Variants in HAT1 observed in about 807,000 individuals in gnomAD.
The protein encoded by HAT1 is histone acetyltransferase 1, also known as histone acetyltransferase type B catalytic subunit.
In HAT1, 20 loss-of-function variants were observed where a neutral mutation model predicts 56.6. The observed-to-expected ratio is 0.35, with a 90% CI of 0.25 to 0.51. The LOEUF (loss-of-function observed/expected upper bound fraction) is 0.51, where lower values mean the gene tolerates loss of function less well. Among genes scored for constraint, HAT1 ranks in the 20% least tolerant of loss-of-function variants. HAT1 has a pLI of 0.95. For synonymous variants in HAT1, 146 were observed against 165.5 expected, an observed-to-expected ratio of 0.88 and a Z score of 0.91; for missense variants, 408 against 504.3, an observed-to-expected ratio of 0.81 and a Z score of 1.83.
rs1158490024 is a variant in HAT1 at position 171,976,142 on chromosome 2, G to GCTTT, written c.824-14_824-11dup. 1 of 1,405,530 alleles carries GCTTT rather than the reference G, an allele frequency of 7.1e-7. No individual in the cohort carries two copies. Among genetic ancestry groups the GCTTT allele is most frequent in the Non-Finnish European group, 9.4e-7 (1 of 1,065,212 alleles). 87.1% of individuals were successfully genotyped at this position (1,405,530 alleles called of 1,614,324 possible). ...ATCAGGGAAATGTTAATATTATTCT[G>GCTTT]CTTTATTTATTTAGCGGAAGATCCA... On this transcript the variant is annotated splice_polypyrimidine_tract_variant and intron_variant, in intron 8 of 10. Coordinates refer to ENST00000264108, the MANE Select transcript of HAT1 (RefSeq NM_003642.4).
rs1354831949 is a variant in HAT1, at chr2:171,961,544, G to A, written c.310-3794G>A. ...GAGAGCAGATTTTAAAAATTTTATG[G>A]AGTGTTTAGCCTCTTTCTAGGAAAA... On this transcript the variant is annotated intron_variant, in intron 4 of 10. Transcript: ENST00000264108. Among the ~76,000 whole-genome samples the A allele has an allele frequency of 2.0e-5, 3 of 151,286 alleles. No homozygotes were observed. In the East Asian group the frequency reaches 5.8e-4, roughly 29 times the overall value.
At chr2:171,977,805 T>A (rs1688026899) in intron 9 of HAT1, among the ~76,000 whole-genome samples, 1 of 151,630 alleles carries the variant, frequency 6.6e-6, no homozygotes, top group African/African-American at 2.4e-5. Flanking sequence ...TCTCTTTACC[T>A]GAAATACTCC....
At chr2:171,959,738 G>A (rs1335391812) in intron 4 of HAT1, among the ~76,000 whole-genome samples, 3 of 152,134 alleles carry the variant, frequency 2.0e-5, no homozygotes, top group African/African-American at 7.2e-5. Flanking sequence ...GCGATACAGT[G>A]GCAGACAAAG....
intron 9 of HAT1, among the ~76,000 whole-genome samples, chr2:171,977,104 C>T (rs573100191): frequency 1.3e-4 from 19 of 151,348 alleles, no homozygotes; most frequent in South Asian, 2.1e-4. Context: ...CCTGGGGAGG[C>T]GGAGGTTGCA....
intron 4 of HAT1, among the ~76,000 whole-genome samples, chr2:171,961,512 A>G (rs150586856): frequency 1.3e-5 from 2 of 152,292 alleles, no homozygotes; most frequent in African/African-American, 4.8e-5. Flanking sequence ...TGAATTTGAG[A>G]GGATATGAGA....
At chr2:171,976,496 G>C (rs78107139) in intron 9 of HAT1, among the ~76,000 whole-genome samples, 188 bp downstream of exon 9, 6,305 of 152,126 alleles carry the variant, frequency 0.041, 136 homozygotes, top group Non-Finnish European at 0.051. Context: ...TGTGATTTAT[G>C]GCAATTTAAT....
intron 3 of HAT1, among the ~76,000 whole-genome samples, chr2:171,949,223 G>C (rs992669337): frequency 7.3e-5 from 11 of 150,084 alleles, no homozygotes; most frequent in Admixed American, 6.0e-4. Flanking sequence ...TTTTGTTTTT[G>C]TTTTTTGAGA....
At chr2:171,971,536 A>G (rs1045151159) in intron 8 of HAT1, among the ~76,000 whole-genome samples, 19 of 152,164 alleles carry the variant, frequency 1.2e-4, no homozygotes, top group African/African-American at 3.6e-4. Context: ...TCCTGGCACC[A>G]TTTGTTGAAC....
intron 2 of HAT1, among the ~76,000 whole-genome samples, chr2:171,938,366 A>G (rs1231713086): frequency 6.6e-6 from 1 of 152,178 alleles, no homozygotes; most frequent in African/African-American, 2.4e-5. Flanking sequence ...TCTTCAGACC[A>G]GGGAGGGAGG....
At chr2:171,977,293 C>G (rs1172146384) in intron 9 of HAT1, among the ~76,000 whole-genome samples, 1 of 150,774 alleles carries the variant, frequency 6.6e-6, no homozygotes, top group South Asian at 2.1e-4. Context: ...GAAACCATGT[C>G]TCTACTACAA....
At chr2:171,982,182 T>C (rs1324393379) in intron 10 of HAT1, among the ~76,000 whole-genome samples, 1 of 152,158 alleles carries the variant, frequency 6.6e-6, no homozygotes. Context: ...CCTTTACCTG[T>C]CCAGCCAGTT....
chr2:171,969,881 A>G lies in HAT1; in HGVS notation c.823+2932A>G, dbSNP rs568784963. Among the ~76,000 whole-genome samples, 5 of 152,282 alleles carry G rather than the reference A, an allele frequency of 3.3e-5. No individual in the cohort carries two copies. The South Asian group carries it at 8.3e-4, about 25-fold the overall frequency. On this transcript the variant is annotated intron_variant, in intron 8 of 10. Transcript: ENST00000264108. ...CTTAAAATTTCACTCAGCTGGTTAC[A>G]GTGGCTCATGCCTGTAATCCCAGAA...
intron 4 of HAT1, among the ~76,000 whole-genome samples, chr2:171,958,728 T>C (rs1485539018): frequency 6.6e-6 from 1 of 152,232 alleles, no homozygotes; most frequent in East Asian, 1.9e-4. Context: ...ATGTCATAAC[T>C]TTCTTTTGCA....
intron 3 of HAT1, among the ~76,000 whole-genome samples, chr2:171,949,779 A>T (rs947242641): frequency 6.6e-6 from 1 of 152,078 alleles, no homozygotes; most frequent in African/African-American, 2.4e-5. Context: ...CTGGGATTAC[A>T]GGCGTGAACC....
At chr2:171,974,824 A>G (rs572373406) in intron 8 of HAT1, among the ~76,000 whole-genome samples, 16 of 152,178 alleles carry the variant, frequency 1.1e-4, no homozygotes, top group Non-Finnish European at 2.1e-4. Flanking sequence ...TTCTGCATGT[A>G]TTGAATTTTT....
At chr2:171,980,736 A>T (rs1034174793) in intron 10 of HAT1, 5 of 151,706 alleles carry the variant, frequency 3.3e-5, no homozygotes, top group Non-Finnish European at 5.9e-5. Flanking sequence ...GGTACCTGTA[A>T]TCCCAGCTAC....
chr2:171,953,626 TAAAAAAAAAAAA>T lies in HAT1; in HGVS notation c.309+643_309+654del, dbSNP rs587686867. ...GGCAACAGAACAAGACCCTGTCTCTTAAAAAAAAAAAAAAAAAAAAAAAAAAAAATTAAGGTT... is the reference window on the plus strand; with the variant it reads ...GGCAACAGAACAAGACCCTGTCTCTTAAAAAAAAAAAAAAAAATTAAGGTT... On this transcript the variant is annotated intron_variant, in intron 4 of 10. Transcript: ENST00000264108. Among the ~76,000 whole-genome samples the T allele has an allele frequency of 1.5e-4, 13 of 84,606 alleles. 1 individual carries two copies. The highest frequency in any genetic ancestry group is 8.2e-4 in the Admixed American group (5 of 6,084). 55.5% of individuals were successfully genotyped at this position (84,606 alleles called of 152,430 possible). A position where few individuals can be genotyped will look rare whatever the true frequency, so the allele number is the denominator to read the frequency against.
chr2:171,983,060 C>A, intron 10 of HAT1, 125 bp from the exon 11 acceptor site: 13 of 517,076 alleles, frequency 2.5e-5, no homozygotes, highest in East Asian at 6.4e-5. Flanking sequence ...AAAAAAAAAA[C>A]ATTGTGGGAC....
At chr2:171,926,587 C>T (rs1342954665) in intron 2 of HAT1, among the ~76,000 whole-genome samples, 1 of 152,206 alleles carries the variant, frequency 6.6e-6, no homozygotes, top group African/African-American at 2.4e-5. Flanking sequence ...GCCACCACGC[C>T]TGGCTTATAA....
Sources: allele counts gnomAD v4.1 joint callset (sites outside exome capture counted in the v4.1 genomes callset), GRCh38; gene constraint gnomAD v4.1.1; transcripts MANE v1.5; gene names NCBI Gene and HGNC (gene_info 2026-07-23, HGNC 2026-07-21).